Variants in PPP3R1 observed in about 807,000 individuals in gnomAD.
PPP3R1 encodes the protein protein phosphatase 3 regulatory subunit B, alpha, also known as calcineurin subunit B type 1.
In PPP3R1, 5 loss-of-function variants were observed where a neutral mutation model predicts 22.6. The ratio of observed to expected loss-of-function variants is 0.22; its 90% confidence interval spans 0.12 to 0.46. The LOEUF is 0.46. Ranked by LOEUF, PPP3R1 falls within the 20% of genes least tolerant of loss-of-function variation. PPP3R1 has a pLI of 0.99. For missense variants in PPP3R1, 61 were observed against 203.2 expected, an observed-to-expected ratio of 0.30 and a Z score of 4.25; for synonymous variants, 56 against 65.2, an observed-to-expected ratio of 0.86 and a Z score of 0.68.
intron 2 of PPP3R1, among the ~76,000 whole-genome samples, chr2:68,204,982 G>A (rs1675082312): frequency 2.0e-5 from 3 of 152,252 alleles, no homozygotes; most frequent in South Asian, 2.1e-4. Context: ...ATTCTGAATT[G>A]TAATTAAATA....
chr2:68,201,539 A>G (rs1042347875), intron 2 of PPP3R1, among the ~76,000 whole-genome samples: 7 of 152,350 alleles, frequency 4.6e-5, no homozygotes, highest in Non-Finnish European at 1.0e-4. Context: ...AATTTGAACC[A>G]ACTGCTTTCT....
intron 1 of PPP3R1, among the ~76,000 whole-genome samples, chr2:68,229,888 A>G (rs111728640): frequency 0.01 from 1,526 of 150,922 alleles, 26 homozygotes; most frequent in African/African-American, 0.032. Context: ...GTATGTGTGT[A>G]TATATATATA....
At chr2:68,236,133 CTTA>C (rs1670015298) in intron 1 of PPP3R1, among the ~76,000 whole-genome samples, 1 of 152,078 alleles carries the variant, frequency 6.6e-6, no homozygotes, top group South Asian at 2.1e-4. Context: ...TGAGAATTGT[CTTA>C]TTTTCTTGTC....
intron 2 of PPP3R1, among the ~76,000 whole-genome samples, chr2:68,201,135 T>C (rs1674967408): frequency 6.6e-6 from 1 of 152,326 alleles, no homozygotes; most frequent in African/African-American, 2.4e-5. Flanking sequence ...CCCATCCCAT[T>C]ACATCACATT....
intron 2 of PPP3R1, among the ~76,000 whole-genome samples, chr2:68,214,820 A>G (rs1331764528): frequency 1.3e-5 from 2 of 152,210 alleles, no homozygotes; most frequent in Non-Finnish European, 2.9e-5. Context: ...ATAAAGACAC[A>G]TGGACACATA....
intron 2 of PPP3R1, among the ~76,000 whole-genome samples, chr2:68,206,139 G>A (rs566460989): frequency 8.5e-5 from 13 of 152,208 alleles, no homozygotes; most frequent in Admixed American, 3.3e-4. Context: ...GTTCAAATAC[G>A]TGAAAGAACA....
At chr2:68,244,309 T>C (rs1305836117) in intron 1 of PPP3R1, among the ~76,000 whole-genome samples, 2 of 152,210 alleles carry the variant, frequency 1.3e-5, no homozygotes, top group Non-Finnish European at 2.9e-5. Flanking sequence ...AGCTACCATT[T>C]AGTTATATTT....
chr2:68,252,368 G>C lies in PPP3R1; in HGVS notation c.-241C>G. On this transcript the variant is annotated 5_prime_UTR_variant, in exon 1 of 6. Coordinates refer to ENST00000234310, the MANE Select transcript of PPP3R1 (RefSeq NM_000945.4). ...TAAGGTCGAGATTCAGAGCCGGAGA[G>C]CGCGGGAGGAGCAGCGGCGAGAGGC... The C allele has an allele frequency of 9.9e-7, 1 of 1,006,802 alleles. No homozygotes were observed. Among genetic ancestry groups the C allele is most frequent in the Non-Finnish European group, 1.2e-6 (1 of 845,160 alleles). The allele number at this position is 1,006,802 out of a possible 1,614,324, so 62.4% of individuals were successfully genotyped here.
intron 5 of PPP3R1, among the ~76,000 whole-genome samples, chr2:68,184,590 A>G (rs1375428778): frequency 6.6e-6 from 1 of 152,238 alleles, no homozygotes; most frequent in Non-Finnish European, 1.5e-5. Flanking sequence ...AAAATTTTAA[A>G]GTACATATAT....
At chr2:68,191,965 C>G (rs1254957826) in intron 2 of PPP3R1, among the ~76,000 whole-genome samples, 1 of 152,188 alleles carries the variant, frequency 6.6e-6, no homozygotes, top group South Asian at 2.1e-4. Flanking sequence ...TACTCCACCT[C>G]AGGGCAGAGT....
Position 68,180,791 on chromosome 2 carries a change from A to G in PPP3R1, c.*172T>C. The G allele has an allele frequency of 1.6e-6, 1 of 629,600 alleles. No homozygotes were observed. The highest frequency in any genetic ancestry group is 2.8e-6 in the Non-Finnish European group (1 of 358,488). The allele number at this position is 629,600 out of a possible 1,614,324, so 39.0% of individuals were successfully genotyped here. On this transcript the variant is annotated 3_prime_UTR_variant, in exon 6 of 6. Coordinates refer to ENST00000234310, the MANE Select transcript of PPP3R1 (RefSeq NM_000945.4). ...AGTGCTACACTGAGTTATTGAGAGA[A>G]TTACAGTTCAATAACACTTAGTTGG...
intron 5 of PPP3R1, among the ~76,000 whole-genome samples, chr2:68,182,816 T>C (rs1247804215): frequency 2.0e-5 from 3 of 152,198 alleles, no homozygotes; most frequent in Admixed American, 6.5e-5. Flanking sequence ...ACTTTTTCTT[T>C]CCTGCACATT....
intron 2 of PPP3R1, among the ~76,000 whole-genome samples, chr2:68,194,292 A>C (rs530919320): frequency 5.3e-5 from 8 of 152,252 alleles, no homozygotes; most frequent in African/African-American, 1.9e-4. Context: ...AACCTCGATC[A>C]ATTGCACTCT....
chr2:68,232,302 G>A (rs1197060602), intron 1 of PPP3R1, among the ~76,000 whole-genome samples: 3 of 145,230 alleles, frequency 2.1e-5, no homozygotes, highest in South Asian at 2.2e-4. Flanking sequence ...TTAGCCAGGC[G>A]TGATGGCAAG....
At position 68,219,299 on chromosome 2, in the gene PPP3R1, C is replaced by T. The variant is rs573791572; in HGVS notation, c.4-2168G>A. ...TCTACCTTCCATTTAAAAAAGGAAACCAAAGCAAAACATGGCAATATAAAG... is the reference window on the plus strand; with the variant it reads ...TCTACCTTCCATTTAAAAAAGGAAATCAAAGCAAAACATGGCAATATAAAG... On this transcript the variant is annotated intron_variant, in intron 1 of 5. Coordinates refer to ENST00000234310, the MANE Select transcript of PPP3R1 (RefSeq NM_000945.4). 4.0e-5 allele frequency among the ~76,000 whole-genome samples: 6 copies of T among 151,846 alleles called. 1 individual carries two copies. The South Asian group carries it at 1.2e-3, about 31-fold the overall frequency.
At chr2:68,207,913 T>C (rs558947378) in intron 2 of PPP3R1, among the ~76,000 whole-genome samples, 51 of 152,336 alleles carry the variant, frequency 3.3e-4, no homozygotes, top group African/African-American at 1.2e-3. Flanking sequence ...GCCAGCACTT[T>C]AGGAGGCCGA....
At chr2:68,224,177 T>C (rs1412612881) in intron 1 of PPP3R1, among the ~76,000 whole-genome samples, 1 of 151,996 alleles carries the variant, frequency 6.6e-6, no homozygotes, top group Non-Finnish European at 1.5e-5. Context: ...AGGCTCAATG[T>C]TGTTAAGATG....
intron 1 of PPP3R1, among the ~76,000 whole-genome samples, chr2:68,243,359 T>C (rs1670168831): frequency 6.6e-6 from 1 of 152,182 alleles, no homozygotes; most frequent in African/African-American, 2.4e-5. Context: ...TGAGGAGATG[T>C]TGACCATAAG....
At chr2:68,246,222 G>A (rs1026066703) in intron 1 of PPP3R1, among the ~76,000 whole-genome samples, 3 of 151,382 alleles carry the variant, frequency 2.0e-5, no homozygotes, top group Admixed American at 6.6e-5. Context: ...TTACAGGCAC[G>A]CGTCACCAAA....
Sources: allele counts gnomAD v4.1 joint callset (sites outside exome capture counted in the v4.1 genomes callset), GRCh38; gene constraint gnomAD v4.1.1; transcripts MANE v1.5; gene names NCBI Gene and HGNC (gene_info 2026-07-23, HGNC 2026-07-21).